Variants in LIN52 observed in about 807,000 individuals in gnomAD.
LIN52 encodes the protein lin-52 DREAM MuvB core complex component, also known as protein lin-52 homolog.
Under a neutral mutation model 18.5 loss-of-function variants are expected in LIN52, and 4 were observed. That is an observed-to-expected ratio of 0.22 (90% confidence interval 0.11 to 0.49). LIN52 has a LOEUF of 0.49. LIN52 is among the 20% of genes least tolerant of loss of function. The pLI is 0.97. For synonymous variants in LIN52, 34 were observed against 45.5 expected (o/e 0.75, Z 1.02); for missense variants, 102 against 139.5 (o/e 0.73, Z 1.35).
chr14:74,107,439 A>G (rs1434333211), intron 5 of LIN52, among the ~76,000 whole-genome samples: 1 of 151,634 alleles, frequency 6.6e-6, no homozygotes, highest in Non-Finnish European at 1.5e-5. Flanking sequence ...TACTCATGCT[A>G]TTCCTTTTTC....
intron 5 of LIN52, among the ~76,000 whole-genome samples, chr14:74,137,498 C>T (rs201429521): frequency 0.029 from 3,183 of 111,514 alleles, 190 homozygotes; most frequent in African/African-American, 0.11. Context: ...CAGCAGCTCT[C>T]TTTTTTTTTT....
At chr14:74,102,211 C>A (rs947836165) in intron 5 of LIN52, among the ~76,000 whole-genome samples, 18 of 152,074 alleles carry the variant, frequency 1.2e-4, no homozygotes, top group Admixed American at 3.3e-4. Context: ...CCACTGCACT[C>A]CAGCCTGGGC....
chr14:74,140,238 T>C (rs1055454320), intron 5 of LIN52, among the ~76,000 whole-genome samples: 1 of 152,184 alleles, frequency 6.6e-6, no homozygotes, highest in African/African-American at 2.4e-5. Flanking sequence ...TTGTAGCACT[T>C]TGTCTACTGC....
chr14:74,176,449 C>A (rs756715532), intron 5 of LIN52, among the ~76,000 whole-genome samples: 2 of 151,912 alleles, frequency 1.3e-5, no homozygotes, highest in African/African-American at 4.8e-5. Flanking sequence ...GAAGTACTTT[C>A]TAAAATAATG....
chr14:74,099,940 G>T (rs1484502807), intron 4 of LIN52, among the ~76,000 whole-genome samples: 1 of 152,230 alleles, frequency 6.6e-6, no homozygotes, highest in Non-Finnish European at 1.5e-5. Context: ...TGGTGAAAGA[G>T]ATCTGACCTA....
At chr14:74,119,711 A>C (rs2060987622) in intron 5 of LIN52, among the ~76,000 whole-genome samples, 1 of 152,154 alleles carries the variant, frequency 6.6e-6, no homozygotes, top group Non-Finnish European at 1.5e-5. Context: ...GCATTTCCTT[A>C]ATGACTAATG....
chr14:74,117,258 G>A (rs1256103001), intron 5 of LIN52, among the ~76,000 whole-genome samples: 1 of 152,214 alleles, frequency 6.6e-6, no homozygotes, highest in Non-Finnish European at 1.5e-5. Context: ...TGGGTCATGG[G>A]CAAGAGACGA....
At chr14:74,091,551 C>G (rs778630305) in intron 2 of LIN52, among the ~76,000 whole-genome samples, 4 of 151,734 alleles carry the variant, frequency 2.6e-5, no homozygotes, top group Non-Finnish European at 5.9e-5. Flanking sequence ...GGAGGATCAC[C>G]TGAGGTCAGG....
intron 5 of LIN52, among the ~76,000 whole-genome samples, chr14:74,176,511 C>A (rs1246169905): frequency 6.6e-6 from 1 of 152,050 alleles, no homozygotes; most frequent in Non-Finnish European, 1.5e-5. Flanking sequence ...CTATCATTAT[C>A]AAGTATGTAC....
intron 5 of LIN52, among the ~76,000 whole-genome samples, chr14:74,134,009 A>G (rs2061083247): frequency 6.6e-6 from 1 of 152,236 alleles, no homozygotes; most frequent in Non-Finnish European, 1.5e-5. Flanking sequence ...ACTTTTCATC[A>G]GCTCCATTGG....
intron 5 of LIN52, among the ~76,000 whole-genome samples, chr14:74,191,719 C>T (rs142495236): frequency 0.014 from 2,122 of 151,632 alleles, 48 homozygotes; most frequent in African/African-American, 0.047. Context: ...CTGCAAGCTC[C>T]GCCTCCCGGG....
At chr14:74,105,808 A>C (rs959071294) in intron 5 of LIN52, among the ~76,000 whole-genome samples, 16 of 152,196 alleles carry the variant, frequency 1.1e-4, no homozygotes, top group Non-Finnish European at 2.1e-4. Context: ...AAATGCAAAA[A>C]ATATTTGTCC....
rs35455851 is a variant in LIN52, at chr14:74,095,149, G to GTTTTTTTT, written c.95-786_95-779dup. On this transcript the variant is annotated intron_variant, in intron 2 of 5. Coordinates refer to ENST00000555028, the MANE Select transcript of LIN52 (RefSeq NM_001024674.3). ...TGTGCATTACCATGCCCAACTAACT[G>GTTTTTTTT]TTTTTTTTTTTTTTTTTTTTGAGAC... 2.8e-4 allele frequency among the ~76,000 whole-genome samples: 29 copies of GTTTTTTTT among 103,728 alleles called. 2 individuals are homozygous for GTTTTTTTT. The highest frequency in any genetic ancestry group is 1.9e-3 in the South Asian group (5 of 2,626). 68.0% of individuals were successfully genotyped at this position (103,728 alleles called of 152,430 possible).
chr14:74,173,360 T>A (rs1023358769), intron 5 of LIN52, among the ~76,000 whole-genome samples: 1 of 152,172 alleles, frequency 6.6e-6, no homozygotes, highest in Non-Finnish European at 1.5e-5. Flanking sequence ...GCTAATTTTG[T>A]ATTTTTAGTA....
At chr14:74,187,868 G>C (rs1313776687) in intron 5 of LIN52, among the ~76,000 whole-genome samples, 1 of 152,202 alleles carries the variant, frequency 6.6e-6, no homozygotes, top group East Asian at 1.9e-4. Flanking sequence ...AACTCAGTAA[G>C]GTAGATACCA....
intron 5 of LIN52, among the ~76,000 whole-genome samples, chr14:74,110,761 G>A (rs1253318793): frequency 1.3e-5 from 2 of 151,650 alleles, no homozygotes; most frequent in East Asian, 1.9e-4. Flanking sequence ...TCAGGAGATC[G>A]AGACCATCCT....
At chr14:74,107,702 A>C (rs530922945) in intron 5 of LIN52, among the ~76,000 whole-genome samples, 3 of 152,308 alleles carry the variant, frequency 2.0e-5, no homozygotes, top group African/African-American at 7.2e-5. Flanking sequence ...TGAAGACCAC[A>C]GACCAGTTAG....
At chr14:74,101,262 T>A in intron 5 of LIN52, 24 bp downstream of exon 5, 1 of 1,563,790 alleles carries the variant, frequency 6.4e-7, no homozygotes, top group Middle Eastern at 1.8e-4. Flanking sequence ...TCGCATTTGT[T>A]CAGGGGTGTA....
In LIN52 at chr14:74,195,247, C is replaced by T. The variant is rs1158041253; in HGVS notation, c.284-3675C>T. ...GAATTGTTTTCTATATAATATAATA[C>T]ATTATGGGGAACAAAGAAAAAGGAG... is the stretch of plus-strand genomic sequence containing the variant. On this transcript the variant is annotated intron_variant, in intron 5 of 5. Coordinates refer to ENST00000555028, the MANE Select transcript of LIN52 (RefSeq NM_001024674.3). 6.6e-5 allele frequency among the ~76,000 whole-genome samples: 10 copies of T among 152,068 alleles called. 1 individual carries two copies. The highest frequency in any genetic ancestry group is 1.5e-4 in the Non-Finnish European group (10 of 68,022).
Sources: allele counts gnomAD v4.1 joint callset (sites outside exome capture counted in the v4.1 genomes callset), GRCh38; gene constraint gnomAD v4.1.1; transcripts MANE v1.5; gene names NCBI Gene and HGNC (gene_info 2026-07-23, HGNC 2026-07-21).